TMEM132B: variants seen among roughly 807,000 people sequenced by gnomAD.
The protein encoded by TMEM132B is transmembrane protein 132B.
TMEM132B carries 18 observed loss-of-function variants against 90.8 expected under a neutral mutation model. That is an observed-to-expected ratio of 0.20 (90% CI 0.14 to 0.29). TMEM132B has a LOEUF of 0.29. TMEM132B is among the 10% of genes least tolerant of loss of function. The pLI is 1.00. For synonymous variants in TMEM132B, 504 were observed against 523.3 expected (o/e 0.96, Z 0.50); for missense variants, 1,096 against 1,326.8 (o/e 0.83, Z 2.70).
intron 4 of TMEM132B, among the ~76,000 whole-genome samples, chr12:125,564,344 T>C (rs1592995856): frequency 1.5e-5 from 2 of 131,588 alleles, no homozygotes; most frequent in East Asian, 4.1e-4. Context: ...ACATTTGCTC[T>C]TGGTGCGTTC....
chr12:125,628,046 C>G (rs910583609), intron 5 of TMEM132B, among the ~76,000 whole-genome samples: 4 of 152,118 alleles, frequency 2.6e-5, no homozygotes, highest in African/African-American at 9.7e-5. Flanking sequence ...ACCACATTTT[C>G]TTTATCCATT....
chr12:125,376,171 G>A (rs1017133588), intron 2 of TMEM132B, among the ~76,000 whole-genome samples: 1 of 152,208 alleles, frequency 6.6e-6, no homozygotes, highest in Non-Finnish European at 1.5e-5. Context: ...CACATCCCAG[G>A]CTGGGAGGCT....
In TMEM132B at chr12:125,652,647, G is replaced by C; in HGVS notation, c.2106+15G>C. The stretch of plus-strand genomic sequence containing the variant: ...CCCCACAGCAGGTGAGCGTTCCAGG[G>C]GCCCTGCGTCCTTGGTCAGTGGGGA... On this transcript the variant is annotated intron_variant, in intron 8 of 8. Transcript: ENST00000682704. 6.2e-7 allele frequency: 1 copy of C among 1,601,968 alleles called. No individual in the cohort carries two copies. Among genetic ancestry groups the C allele is most frequent in the Non-Finnish European group, 8.5e-7 (1 of 1,173,700 alleles).
At position 125,210,059 on chromosome 12, in the gene TMEM132B, G is replaced by A. The variant is rs188805152; in HGVS notation, c.67+23193G>A. Among the ~76,000 whole-genome samples the A allele has an allele frequency of 2.0e-5, 3 of 152,312 alleles. No individual in the cohort carries two copies. The East Asian group carries it at 5.8e-4, about 29-fold the overall frequency. Reference sequence around the variant, plus strand: ...CAACAAAAATCTCAGCTCTTGCAGGGTGGACAGTCAGATCGGGGAGGCAGA... The same window carrying A: ...CAACAAAAATCTCAGCTCTTGCAGGATGGACAGTCAGATCGGGGAGGCAGA... On this transcript the variant is annotated intron_variant, in intron 1 of 8. Coordinates refer to ENST00000682704, the MANE Select transcript of TMEM132B (RefSeq NM_001366854.1).
At chr12:125,583,828 G>C in intron 4 of TMEM132B, 23 bp from the exon 5 acceptor site, 3 of 1,613,142 alleles carry the variant, frequency 1.9e-6, no homozygotes, top group Non-Finnish European at 2.5e-6. Context: ...TTGCTGATCT[G>C]AGCCCTCTCC....
chr12:125,291,608 A>G (rs533912379), intron 1 of TMEM132B, among the ~76,000 whole-genome samples: 41 of 152,318 alleles, frequency 2.7e-4, no homozygotes, highest in Non-Finnish European at 4.1e-4. Context: ...CTCTGCCAGC[A>G]ACCTGAGTGA....
chr12:125,638,395 T>G (rs1886541818), intron 5 of TMEM132B, among the ~76,000 whole-genome samples: 1 of 152,196 alleles, frequency 6.6e-6, no homozygotes, highest in Non-Finnish European at 1.5e-5. Context: ...AGTTAAAAAC[T>G]CAAGGTAAAA....
chr12:125,440,909 T>C (rs1880851963), intron 3 of TMEM132B, among the ~76,000 whole-genome samples: 1 of 152,320 alleles, frequency 6.6e-6, no homozygotes, highest in Non-Finnish European at 1.5e-5. Context: ...GGGGCTATGC[T>C]CTCTCGTTTC....
chr12:125,232,089 A>T (rs1873839867), intron 1 of TMEM132B, among the ~76,000 whole-genome samples: 1 of 152,196 alleles, frequency 6.6e-6, no homozygotes, highest in African/African-American at 2.4e-5. Flanking sequence ...GCATATATAG[A>T]TCTACCTTAC....
At chr12:125,432,525 A>ATGTATGTG (rs1234534573) in intron 3 of TMEM132B, among the ~76,000 whole-genome samples, 2 of 71,426 alleles carry the variant, frequency 2.8e-5, no homozygotes, top group Non-Finnish European at 5.1e-5. Flanking sequence ...ATATATATAT[A>ATGTATGTG]TATAGAGAGA....
At chr12:125,411,369 G>GT (rs1242183037) in intron 2 of TMEM132B, among the ~76,000 whole-genome samples, 2 of 148,002 alleles carry the variant, frequency 1.4e-5, no homozygotes, top group Non-Finnish European at 3.0e-5. Flanking sequence ...AGAGGGTGGG[G>GT]GGGGGCCTAG....
intron 1 of TMEM132B, among the ~76,000 whole-genome samples, chr12:125,284,938 A>G (rs1409310772): frequency 6.6e-6 from 1 of 152,200 alleles, no homozygotes; most frequent in Non-Finnish European, 1.5e-5. Flanking sequence ...CACACCTACA[A>G]TGTGCCACAT....
In TMEM132B at chr12:125,547,849, G is replaced by T. The variant is rs186471652; in HGVS notation, c.1293+28224G>T. ...TGATGTCCAGGAATGCCAAGAAACA[G>T]CCAACTCTGTGATCTGTCTGCCTGC... On this transcript the variant is annotated intron_variant, in intron 4 of 8. Coordinates refer to ENST00000682704, the MANE Select transcript of TMEM132B (RefSeq NM_001366854.1). Among the ~76,000 whole-genome samples, 6 of 152,310 alleles carry T rather than the reference G, an allele frequency of 3.9e-5. No homozygotes were observed. In the East Asian group the frequency reaches 1.2e-3, roughly 29 times the overall value.
intron 1 of TMEM132B, chr12:125,326,668 CG>C: frequency 6.2e-7 from 1 of 1,606,320 alleles, no homozygotes. Context: ...CTGTCTGCAC[CG>C]GGGGAGGTCG....
At chr12:125,593,777 A>T (rs573684784) in intron 5 of TMEM132B, among the ~76,000 whole-genome samples, 1 of 152,216 alleles carries the variant, frequency 6.6e-6, no homozygotes, top group Admixed American at 6.5e-5. Context: ...AACTCAAATT[A>T]AAAAACTTTA....
intron 4 of TMEM132B, among the ~76,000 whole-genome samples, chr12:125,527,520 GCACCCATCCACCCTTCCAAC>G (rs1566063999): frequency 3.8e-4 from 11 of 29,302 alleles, no homozygotes; most frequent in Non-Finnish European, 5.9e-4. Context: ...ACCTTTCCAT[GCACCCATCCACCCTTCCAAC>G]CACCCATCCA....
chr12:125,187,644 G>T (rs1439460967), intron 1 of TMEM132B, among the ~76,000 whole-genome samples: 1 of 152,218 alleles, frequency 6.6e-6, no homozygotes, highest in Non-Finnish European at 1.5e-5. Context: ...CCCAATCCTA[G>T]TGAGTGGGAA....
intron 4 of TMEM132B, among the ~76,000 whole-genome samples, chr12:125,521,713 T>C (rs1883311327): frequency 1.3e-5 from 2 of 152,250 alleles, no homozygotes; most frequent in South Asian, 2.1e-4. Context: ...GGCTGGAGTG[T>C]GGGAGAGATT....
At chr12:125,392,280 G>A (rs1256219659) in intron 2 of TMEM132B, among the ~76,000 whole-genome samples, 2 of 152,166 alleles carry the variant, frequency 1.3e-5, no homozygotes, top group Non-Finnish European at 2.9e-5. Flanking sequence ...TAGTTTAGTG[G>A]GGACAATTTA....
Sources: gnomAD v4.1 joint callset for allele counts (sites outside exome capture counted in the v4.1 genomes callset) on GRCh38, gnomAD v4.1.1 for gene constraint, MANE v1.5 for transcripts, NCBI Gene and HGNC (gene_info 2026-07-23, HGNC 2026-07-21) for gene names.